FTO: variants seen among roughly 807,000 people sequenced by gnomAD.
The protein encoded by FTO is FTO alpha-ketoglutarate dependent dioxygenase.
Under a neutral mutation model 63.9 loss-of-function variants are expected in FTO, and 47 were observed. The ratio of observed to expected loss-of-function variants is 0.74; its 90% CI spans 0.58 to 0.94. The LOEUF is 0.94. FTO is among the 40% of genes least tolerant of loss of function. The probability of loss-of-function intolerance (pLI) is 0.00; values close to 1 mark genes in which losing one functional copy is unlikely to be tolerated. For synonymous variants in FTO, 207 were observed against 224.4 expected (o/e 0.92, Z 0.69); for missense variants, 562 against 618.1 (o/e 0.91, Z 0.96).
intron 5 of FTO, among the ~76,000 whole-genome samples, chr16:53,878,488 G>T (rs940174112): frequency 1.1e-4 from 16 of 152,222 alleles, no homozygotes; most frequent in African/African-American, 2.9e-4. Flanking sequence ...CAGAAACTTT[G>T]TTTTTCCCAG....
chr16:53,845,244 G>T (rs59840264), intron 4 of FTO, among the ~76,000 whole-genome samples: 2 of 152,198 alleles, frequency 1.3e-5, no homozygotes, highest in Non-Finnish European at 2.9e-5. Flanking sequence ...TCTACCTGGA[G>T]AAATCTACTC....
chr16:53,943,702 G>C (rs1390277392), intron 8 of FTO, among the ~76,000 whole-genome samples: 2 of 152,144 alleles, frequency 1.3e-5, no homozygotes, highest in African/African-American at 4.8e-5. Flanking sequence ...ACTCAACAGT[G>C]ACCAAAATAA....
chr16:53,993,986 C>T (rs1178999929), intron 8 of FTO: 1 of 152,144 alleles, frequency 6.6e-6, no homozygotes, highest in East Asian at 1.9e-4. Flanking sequence ...TTATAATAAG[C>T]TCTTTGTGTT....
chr16:53,860,573 C>G (rs1409231666), intron 4 of FTO, among the ~76,000 whole-genome samples: 1 of 152,104 alleles, frequency 6.6e-6, no homozygotes, highest in African/African-American at 2.4e-5. Flanking sequence ...AAAGGGGGAG[C>G]CAGCCCTTCA....
At chr16:53,844,452 T>C (rs977959427) in intron 4 of FTO, among the ~76,000 whole-genome samples, 154 bp downstream of exon 4, 3 of 152,176 alleles carry the variant, frequency 2.0e-5, no homozygotes, top group Admixed American at 2.0e-4. Flanking sequence ...TAGGTTTTTC[T>C]TTTTTGAGAT....
chr16:54,033,198 G>A (rs2084870227), intron 8 of FTO, among the ~76,000 whole-genome samples: 1 of 152,166 alleles, frequency 6.6e-6, no homozygotes, highest in Non-Finnish European at 1.5e-5. Context: ...CCAAGGGCCT[G>A]TCAATTCTGG....
chr16:54,007,850 A>G (rs1273224089), intron 8 of FTO, among the ~76,000 whole-genome samples: 1 of 152,222 alleles, frequency 6.6e-6, no homozygotes, highest in East Asian at 1.9e-4. Flanking sequence ...AAATTACTCT[A>G]CAAGCCAAAT....
chr16:53,842,367 G>A lies in FTO; in HGVS notation c.752-1788G>A, dbSNP rs2079501872. Among the ~76,000 whole-genome samples, 3 of 152,272 alleles carry A rather than the reference G, an allele frequency of 2.0e-5. 1 individual carries two copies. The highest frequency in any genetic ancestry group is 2.0e-4 in the Admixed American group (3 of 15,284). ...GTCACTGACATATCCCACATGCCTG[G>A]TGCAATGACCAGTAAATAGTAAGTG... On this transcript the variant is annotated intron_variant, in intron 3 of 8. Transcript: ENST00000471389.
At chr16:53,898,107 C>A (rs1054376032) in intron 7 of FTO, among the ~76,000 whole-genome samples, 1 of 152,242 alleles carries the variant, frequency 6.6e-6, no homozygotes. Flanking sequence ...TCGTTTCACT[C>A]CCCTGTTTCA....
chr16:54,052,798 C>G (rs994110148), intron 8 of FTO: 6 of 152,228 alleles, frequency 3.9e-5, no homozygotes, highest in Non-Finnish European at 8.8e-5. Context: ...CTCCTGGGTT[C>G]AAGAGATTCT....
intron 8 of FTO, among the ~76,000 whole-genome samples, chr16:54,041,209 G>T (rs1003000668): frequency 6.6e-6 from 1 of 152,136 alleles, no homozygotes; most frequent in Non-Finnish European, 1.5e-5. Flanking sequence ...TCATGGTGGG[G>T]ACGCCTCAGG....
intron 3 of FTO, among the ~76,000 whole-genome samples, chr16:53,834,140 T>C (rs2079221045): frequency 6.6e-6 from 1 of 152,146 alleles, no homozygotes; most frequent in African/African-American, 2.4e-5. Flanking sequence ...TTCTCCTGTC[T>C]CAGCCCCCTG....
At chr16:53,895,093 A>G (rs1428364304) in intron 7 of FTO, among the ~76,000 whole-genome samples, 7 of 151,986 alleles carry the variant, frequency 4.6e-5, no homozygotes. Context: ...CTTCCTACCC[A>G]CCCACTCTAA....
At chr16:53,845,683 G>A (rs1006671414) in intron 4 of FTO, among the ~76,000 whole-genome samples, 3 of 152,100 alleles carry the variant, frequency 2.0e-5, no homozygotes, top group African/African-American at 7.2e-5. Flanking sequence ...AGTACTAAGG[G>A]CCTGCTACTT....
chr16:54,011,289 A>C (rs1482954631), intron 8 of FTO, among the ~76,000 whole-genome samples: 7 of 152,242 alleles, frequency 4.6e-5, no homozygotes, highest in African/African-American at 1.7e-4. Context: ...TCTCTTTTAG[A>C]AAGTTTCTGA....
intron 7 of FTO, among the ~76,000 whole-genome samples, chr16:53,913,236 A>T (rs1464185510): frequency 5.3e-5 from 8 of 152,224 alleles, no homozygotes; most frequent in Non-Finnish European, 1.2e-4. Context: ...AATGACGGTG[A>T]TTACCCCACA....
intron 4 of FTO, among the ~76,000 whole-genome samples, chr16:53,862,043 A>G (rs2080188948): frequency 6.6e-6 from 1 of 152,126 alleles, no homozygotes; most frequent in South Asian, 2.1e-4. Flanking sequence ...GGAGGTCAGG[A>G]TTTCAAGACC....
rs1487407827 is a variant in FTO at position 53,966,619 on chromosome 16, A to G, written c.1364+32510A>G. Among the ~76,000 whole-genome samples the G allele has an allele frequency of 2.6e-5, 4 of 152,210 alleles. No individual in the cohort carries two copies. In the East Asian group the frequency reaches 7.7e-4, roughly 29 times the overall value. ...ATCTTGGTTTCAGTTGCTCTGGAGAACAACTGCCTTCCAAAGCTCCCTTTT... is the reference window on the plus strand; with the variant it reads ...ATCTTGGTTTCAGTTGCTCTGGAGAGCAACTGCCTTCCAAAGCTCCCTTTT... On this transcript the variant is annotated intron_variant, in intron 8 of 8. Coordinates refer to ENST00000471389, the MANE Select transcript of FTO (RefSeq NM_001080432.3).
intron 4 of FTO, among the ~76,000 whole-genome samples, chr16:53,861,846 C>T (rs757815172): frequency 6.6e-6 from 1 of 152,044 alleles, no homozygotes; most frequent in Non-Finnish European, 1.5e-5. Flanking sequence ...GGGGAGTGGT[C>T]GTGGCATATT....
Sources: allele counts gnomAD v4.1 joint callset (sites outside exome capture counted in the v4.1 genomes callset), GRCh38; gene constraint gnomAD v4.1.1; transcripts MANE v1.5; gene names NCBI Gene and HGNC (gene_info 2026-07-23, HGNC 2026-07-21).